The following UNC5D variants were observed in gnomAD, a reference collection of about 807,000 sequenced individuals.
UNC5D encodes unc-5 netrin receptor D, also known as netrin receptor UNC5D.
Under a neutral mutation model 105.4 loss-of-function variants are expected in UNC5D, and 39 were observed. The ratio of observed to expected loss-of-function variants is 0.37; its 90% CI spans 0.29 to 0.48. The LOEUF is 0.48. UNC5D is among the 20% of genes least tolerant of loss of function. The pLI, the probability that UNC5D is intolerant of heterozygous loss-of-function variation, is 0.98. For missense variants in UNC5D, 991 were observed against 1,202.4 expected (o/e 0.82, Z 2.60); for synonymous variants, 452 against 450.4 (o/e 1.00, Z -0.04).
chr8:35,352,661 G>A (rs1343156900), intron 1 of UNC5D, among the ~76,000 whole-genome samples: 1 of 152,098 alleles, frequency 6.6e-6, no homozygotes, highest in African/African-American at 2.4e-5. Flanking sequence ...CACCCAGGCT[G>A]GAGTACAGTA....
chr8:35,470,859 ACAGCTTAG>A (rs1809669332), intron 1 of UNC5D, among the ~76,000 whole-genome samples: 1 of 152,136 alleles, frequency 6.6e-6, no homozygotes, highest in East Asian at 1.9e-4. Flanking sequence ...CTTGTGAAGC[ACAGCTTAG>A]CAGCATTGGG....
At chr8:35,249,306 C>T (rs1386846372) in intron 1 of UNC5D, among the ~76,000 whole-genome samples, 1 of 149,512 alleles carries the variant, frequency 6.7e-6, no homozygotes, top group African/African-American at 2.4e-5. Context: ...GCCTGTAATC[C>T]CAGCACTTTG....
At chr8:35,545,990 G>GCTCAAGCGAGCCTCCCACTTCAGC (rs1367912041) in intron 1 of UNC5D, among the ~76,000 whole-genome samples, 6 of 152,102 alleles carry the variant, frequency 3.9e-5, no homozygotes, top group Non-Finnish European at 8.8e-5. Flanking sequence ...TACCCCCTGA[G>GCTCAAGCGAGCCTCCCACTTCAGC]CTCAAGCGAG....
chr8:35,486,306 T>A (rs1463690470), intron 1 of UNC5D, among the ~76,000 whole-genome samples: 1 of 152,188 alleles, frequency 6.6e-6, no homozygotes, highest in East Asian at 1.9e-4. Flanking sequence ...ACACATGCTG[T>A]CTAATGGGAT....
At chr8:35,260,818 C>A (rs536663274) in intron 1 of UNC5D, among the ~76,000 whole-genome samples, 1 of 152,272 alleles carries the variant, frequency 6.6e-6, no homozygotes, top group Admixed American at 6.5e-5. Context: ...TTGCCAAAAA[C>A]GTTGTCTTTT....
At chr8:35,324,881 G>T (rs1169849096) in intron 1 of UNC5D, among the ~76,000 whole-genome samples, 1 of 152,098 alleles carries the variant, frequency 6.6e-6, no homozygotes, top group Non-Finnish European at 1.5e-5. Flanking sequence ...GTCTATTCTT[G>T]GCCCCCTTTT....
chr8:35,680,176 A>T (rs1458783270), intron 4 of UNC5D, among the ~76,000 whole-genome samples: 1 of 152,158 alleles, frequency 6.6e-6, no homozygotes, highest in Non-Finnish European at 1.5e-5. Context: ...TTTGGAGGGG[A>T]CAAATATTCA....
intron 1 of UNC5D, among the ~76,000 whole-genome samples, chr8:35,441,868 C>T (rs1333925834): frequency 6.6e-6 from 1 of 151,518 alleles, no homozygotes; most frequent in East Asian, 1.9e-4. Flanking sequence ...GCGGGACAAC[C>T]AACAAGAAGC....
At position 35,393,132 on chromosome 8, in the gene UNC5D, T is replaced by TA. The variant is rs1408971515; in HGVS notation, c.104-156160_104-156159insA. On this transcript the variant is annotated intron_variant, in intron 1 of 16. Transcript: ENST00000404895. ...TCTAAATACCTATTCCTACTTTTTT[T>TA]TTTTTTTTTTTTTTTTTTTTGAGAC... is the stretch of plus-strand genomic sequence containing the variant. 5.8e-4 allele frequency among the ~76,000 whole-genome samples: 76 copies of TA among 131,062 alleles called. 1 individual carries two copies. In the East Asian group the frequency reaches 0.011, roughly 19 times the overall value. 86.0% of individuals were successfully genotyped at this position (131,062 alleles called of 152,430 possible). A position where few individuals can be genotyped will look rare whatever the true frequency, so the allele number is the denominator to read the frequency against.
chr8:35,566,435 T>C (rs566650545), intron 2 of UNC5D, among the ~76,000 whole-genome samples: 66 of 152,316 alleles, frequency 4.3e-4, no homozygotes, highest in African/African-American at 1.5e-3. Context: ...TGAATTTCTT[T>C]TGGACTTAAA....
At chr8:35,392,704 G>T (rs1051170758) in intron 1 of UNC5D, among the ~76,000 whole-genome samples, 1 of 152,196 alleles carries the variant, frequency 6.6e-6, no homozygotes, top group African/African-American at 2.4e-5. Flanking sequence ...AATACTCACA[G>T]GTTCTAGGGA....
At chr8:35,695,715 T>G (rs1338460979) in intron 7 of UNC5D, among the ~76,000 whole-genome samples, 2 of 119,320 alleles carry the variant, frequency 1.7e-5, no homozygotes, top group Non-Finnish European at 3.1e-5. Flanking sequence ...TTTATATTAT[T>G]TATTTATTTA....
chr8:35,271,323 G>GTATTTATA (rs1563267067), intron 1 of UNC5D, among the ~76,000 whole-genome samples: 1 of 109,378 alleles, frequency 9.1e-6, no homozygotes, highest in Admixed American at 8.5e-5. Context: ...GTATGTATAT[G>GTATTTATA]CATACACACG....
At chr8:35,715,543 T>C (rs1216531984) in intron 8 of UNC5D, among the ~76,000 whole-genome samples, 3 of 152,320 alleles carry the variant, frequency 2.0e-5, no homozygotes, top group East Asian at 3.9e-4. Context: ...AAATATTTAA[T>C]GTTAAAAAAT....
intron 2 of UNC5D, among the ~76,000 whole-genome samples, chr8:35,556,378 A>C (rs541633642): frequency 3.9e-5 from 6 of 152,126 alleles, no homozygotes; most frequent in African/African-American, 1.4e-4. Flanking sequence ...TTCAGGTCGC[A>C]TTGTGTGTCT....
At chr8:35,417,013 A>G (rs566681469) in intron 1 of UNC5D, among the ~76,000 whole-genome samples, 1 of 152,308 alleles carries the variant, frequency 6.6e-6, no homozygotes, top group East Asian at 1.9e-4. Flanking sequence ...TGATACAGGC[A>G]TGCAATACAT....
chr8:35,470,666 G>A (rs1563449764), intron 1 of UNC5D, among the ~76,000 whole-genome samples: 1 of 151,304 alleles, frequency 6.6e-6, no homozygotes, highest in Non-Finnish European at 1.5e-5. Context: ...ATACTTGGGA[G>A]GTTGAGGTGG....
intron 4 of UNC5D, among the ~76,000 whole-genome samples, chr8:35,671,855 T>A (rs570560916): frequency 4.6e-5 from 7 of 152,236 alleles, no homozygotes; most frequent in African/African-American, 1.7e-4. Flanking sequence ...GGAATACAGA[T>A]GCACTTTGCT....
intron 1 of UNC5D, among the ~76,000 whole-genome samples, chr8:35,275,104 A>T (rs1274607037): frequency 1.3e-5 from 2 of 151,048 alleles, no homozygotes; most frequent in Admixed American, 1.3e-4. Flanking sequence ...AAAAGAAAAC[A>T]AAACAACAAC....
Sources: allele counts gnomAD v4.1 joint callset (sites outside exome capture counted in the v4.1 genomes callset), GRCh38; gene constraint gnomAD v4.1.1; transcripts MANE v1.5; gene names NCBI Gene and HGNC (gene_info 2026-07-23, HGNC 2026-07-21).